The following MTMR6 variants were observed in gnomAD, a reference collection of about 807,000 sequenced individuals.
MTMR6 encodes the protein myotubularin related protein 6.
A neutral mutation model predicts 80.1 loss-of-function variants in MTMR6; 47 were observed. That is an observed-to-expected ratio of 0.59 (90% confidence interval 0.46 to 0.75). The LOEUF (loss-of-function observed/expected upper bound fraction) is 0.75, where lower values mean the gene tolerates loss of function less well. Among genes scored for constraint, MTMR6 ranks in the 30% least tolerant of loss-of-function variants. MTMR6 has a pLI of 0.00. For synonymous variants in MTMR6, 254 were observed against 253.0 expected (o/e 1.00, Z -0.04); for missense variants, 629 against 730.9 (o/e 0.86, Z 1.61).
In MTMR6 at chr13:25,249,334, G is replaced by A. The variant is rs577874132; in HGVS notation, c.1764C>T (p.Ser588=). The stretch of plus-strand genomic sequence containing the variant: ...CACTATAACGATTATCTGCCGGGCT[G>A]CTGCCCTCTATAGTTCGAAGAGCAT... The part of the protein sequence containing the change: ...VNDALRTIEG[S]SPADNRYSEY... The change falls in exon 14 of 14, where the codon AGC becomes AGT. Residue 588 remains serine, a synonymous_variant. Coordinates refer to ENST00000381801, the MANE Select transcript of MTMR6 (RefSeq NM_004685.5). 145 of 1,614,116 alleles carry A rather than the reference G, an allele frequency of 9.0e-5. 1 individual carries two copies. The South Asian group carries it at 1.5e-3, about 17-fold the overall frequency.
At chr13:25,278,680 T>C (rs549016462) in intron 1 of MTMR6, among the ~76,000 whole-genome samples, 55 of 118,378 alleles carry the variant, frequency 4.6e-4, no homozygotes, top group Non-Finnish European at 7.5e-4. Flanking sequence ...ATCACTGCAC[T>C]CCAGCCTGGG....
chr13:25,257,503 CA>C lies in MTMR6; in HGVS notation c.970-183del, dbSNP rs941012058. On this transcript the variant is annotated intron_variant, in intron 8 of 13. Coordinates refer to ENST00000381801, the MANE Select transcript of MTMR6 (RefSeq NM_004685.5). ...AACAACAAAAACACAAGCAAACAAA[CA>C]AAAAAAAAACAAAGAAAAAATGCCA... 2.7e-4 allele frequency among the ~76,000 whole-genome samples: 38 copies of C among 138,948 alleles called. 1 individual carries two copies. The highest frequency in any genetic ancestry group is 8.6e-4 in the Admixed American group (11 of 12,822). 91.2% of individuals were successfully genotyped at this position (138,948 alleles called of 152,430 possible). A position where few individuals can be genotyped will look rare whatever the true frequency, so the allele number is the denominator to read the frequency against.
At chr13:25,252,006 C>A (rs1366474262) in intron 11 of MTMR6, 22 bp from the exon 12 acceptor site, 1 of 1,601,880 alleles carries the variant, frequency 6.2e-7, no homozygotes, top group Non-Finnish European at 8.5e-7. Context: ...GAGAAAAACA[C>A]AGAGATCTTT....
intron 1 of MTMR6, among the ~76,000 whole-genome samples, chr13:25,275,127 C>T (rs1957690551): frequency 6.6e-6 from 1 of 152,104 alleles, no homozygotes; most frequent in African/African-American, 2.4e-5. Flanking sequence ...CACTACCAAC[C>T]TAAAAAATGT....
chr13:25,260,350 T>C (rs1351787384), intron 6 of MTMR6, among the ~76,000 whole-genome samples: 1 of 152,014 alleles, frequency 6.6e-6, no homozygotes, highest in Admixed American at 6.6e-5. Flanking sequence ...GTATTTTTAG[T>C]ACAGACAGAG....
chr13:25,251,678 ATTGT>A lies in MTMR6; in HGVS notation c.1572_1575del (p.Lys524AsnfsTer2). 3.3e-6 allele frequency: 5 copies of A among 1,527,636 alleles called. No individual in the cohort carries two copies. The highest frequency in any genetic ancestry group is 4.5e-6 in the Non-Finnish European group (5 of 1,110,414). 94.6% of individuals were successfully genotyped at this position (1,527,636 alleles called of 1,614,324 possible). ...TCTAGGTCTTTAATATCTTTCTCTA[ATTGT>A]TTATTTTGCTCATTCATATTCATAA... On this transcript the variant is annotated frameshift_variant, in exon 13 of 14. Transcript: ENST00000381801. LOFTEE classifies it high-confidence loss of function. This position sits in a 1 kb window ranked among gnomAD's most constrained non-coding sequence, Gnocchi z 4.1.
chr13:25,281,889 G>A (rs1203933785), intron 1 of MTMR6, among the ~76,000 whole-genome samples: 1 of 152,166 alleles, frequency 6.6e-6, no homozygotes, highest in Non-Finnish European at 1.5e-5. Flanking sequence ...GACCTCAAGA[G>A]GGGAGAGAGT....
Position 25,247,190 on chromosome 13 carries a change from GTCTAC to G in MTMR6, c.*2037_*2041del, listed in dbSNP as rs956857151. The G allele has an allele frequency of 3.9e-4, 59 of 152,312 alleles. 1 individual carries two copies. The highest frequency in any genetic ancestry group is 3.4e-3 in the Middle Eastern group (1 of 294). The allele number at this position is 152,312 out of a possible 1,614,324, so 9.4% of individuals were successfully genotyped here. A position where few individuals can be genotyped will look rare whatever the true frequency, so the allele number is the denominator to read the frequency against. On this transcript the variant is annotated 3_prime_UTR_variant, in exon 14 of 14. Coordinates refer to ENST00000381801, the MANE Select transcript of MTMR6 (RefSeq NM_004685.5). Reference sequence around the variant, plus strand: ...GCTGTTATGTTAATGTAATGGGCAAGTCTACTTGCCTAGGTGAGAAGAAAAAAAAA... The same window carrying G: ...GCTGTTATGTTAATGTAATGGGCAAGTTGCCTAGGTGAGAAGAAAAAAAAA...
chr13:25,284,629 A>C (rs1174223962), intron 1 of MTMR6, among the ~76,000 whole-genome samples: 2 of 152,196 alleles, frequency 1.3e-5, no homozygotes, highest in Non-Finnish European at 2.9e-5. Context: ...ACAGCTAATA[A>C]ATCTAAAACA....
chr13:25,251,929 A>G lies in MTMR6; in HGVS notation c.1402T>C (p.Tyr468His), dbSNP rs760892112. 2 of 1,609,776 alleles carry G rather than the reference A, an allele frequency of 1.2e-6. No homozygotes were observed. The highest frequency in any genetic ancestry group is 1.3e-5 in the African/African-American group (1 of 74,636). Residue 468 changes from tyrosine (Y) to histidine (H), a missense_variant, in exon 12 of 14, where the codon TAC becomes CAC. Physicochemically the swap from Tyr to His is moderately conservative, Grantham distance 83. Transcript: ENST00000381801. This position sits in a 1 kb window ranked among gnomAD's most constrained non-coding sequence, Gnocchi z 4.1. Reference protein sequence around the residue: ...WPFLLEDQKKYLNPLYSSESH... With the variant: ...WPFLLEDQKKHLNPLYSSESH... ...TCGGAACTGTAGAGAGGATTTAAGTACTTCTTTTGGTCTTCCAAAAGAAAT... is the reference window on the plus strand; with the variant it reads ...TCGGAACTGTAGAGAGGATTTAAGTGCTTCTTTTGGTCTTCCAAAAGAAAT...
rs1957032716 is a variant in MTMR6 at position 25,249,026 on chromosome 13, A to C, written c.*206T>G. On this transcript the variant is annotated 3_prime_UTR_variant, in exon 14 of 14. Transcript: ENST00000381801. Reference sequence around the variant, plus strand: ...ACATCAAATACCACTCATTTCTTACAGAACTGAATGTCATTCCTTGCTGGA... The same window carrying C: ...ACATCAAATACCACTCATTTCTTACCGAACTGAATGTCATTCCTTGCTGGA... The C allele has an allele frequency of 1.7e-6, 1 of 572,194 alleles. No individual in the cohort carries two copies. Among genetic ancestry groups the C allele is most frequent in the East Asian group, 2.9e-5 (1 of 34,978 alleles). The allele number at this position is 572,194 out of a possible 1,614,324, so 35.4% of individuals were successfully genotyped here. A position where few individuals can be genotyped will look rare whatever the true frequency, so the allele number is the denominator to read the frequency against.
At chr13:25,271,485 A>G (rs1957575211) in intron 2 of MTMR6, among the ~76,000 whole-genome samples, 1 of 152,184 alleles carries the variant, frequency 6.6e-6, no homozygotes, top group African/African-American at 2.4e-5. Context: ...CCTGTGTAAC[A>G]ATGAATGAAT....
chr13:25,279,839 G>GA (rs577270888), intron 1 of MTMR6, among the ~76,000 whole-genome samples: 19 of 150,610 alleles, frequency 1.3e-4, no homozygotes, highest in East Asian at 1.9e-4. Flanking sequence ...TTTATCTGAT[G>GA]AAAAAAAAAC....
intron 5 of MTMR6, among the ~76,000 whole-genome samples, chr13:25,263,823 T>C (rs1339595060): frequency 6.6e-6 from 1 of 151,938 alleles, no homozygotes; most frequent in African/African-American, 2.4e-5. Flanking sequence ...GAGGCGGAGG[T>C]TGCAGTGAGC....
chr13:25,259,392 TA>T (rs970520973), intron 6 of MTMR6, among the ~76,000 whole-genome samples: 1 of 152,234 alleles, frequency 6.6e-6, no homozygotes, highest in Non-Finnish European at 1.5e-5. Flanking sequence ...TAGGATTTCA[TA>T]TAGTATGTTA....
chr13:25,283,065 C>A (rs1292725412), intron 1 of MTMR6, among the ~76,000 whole-genome samples: 1 of 152,036 alleles, frequency 6.6e-6, no homozygotes, highest in Non-Finnish European at 1.5e-5. Context: ...CACACTAGAT[C>A]CTCACATTCA....
chr13:25,272,848 A>T (rs1257239670), intron 2 of MTMR6, among the ~76,000 whole-genome samples: 1 of 152,174 alleles, frequency 6.6e-6, no homozygotes, highest in East Asian at 1.9e-4. Flanking sequence ...ATGGGCACCT[A>T]GGTTGATTCC....
At chr13:25,287,121 G>A in intron 1 of MTMR6, 103 bp downstream of exon 1, 1 of 1,492,894 alleles carries the variant, frequency 6.7e-7, no homozygotes, top group African/African-American at 1.4e-5. Flanking sequence ...TCTCCGCCGG[G>A]CCGGCTCCCA....
At chr13:25,260,610 A>C (rs1326807056) in intron 6 of MTMR6, 5 of 1,287,752 alleles carry the variant, frequency 3.9e-6, no homozygotes, top group Non-Finnish European at 5.1e-6. Context: ...TTTTCTCATC[A>C]TTCTGGATTT....
Sources: allele counts gnomAD v4.1 joint callset (sites outside exome capture counted in the v4.1 genomes callset), GRCh38; gene constraint gnomAD v4.1.1; non-coding constraint Gnocchi (gnomAD v3.1); transcripts MANE v1.5; gene names NCBI Gene and HGNC (gene_info 2026-07-23, HGNC 2026-07-21).